The following RAD51AP1 variants were observed in gnomAD, a reference collection of about 807,000 sequenced individuals.
RAD51AP1 encodes RAD51 associated protein 1.
Under a neutral mutation model 34.3 loss-of-function variants are expected in RAD51AP1, and 14 were observed. The observed-to-expected ratio is 0.41, with a 90% CI of 0.27 to 0.64. RAD51AP1 has a LOEUF of 0.64. RAD51AP1 is among the 30% of genes least tolerant of loss of function. RAD51AP1 has a pLI of 0.33. For missense variants in RAD51AP1, 348 were observed against 386.9 expected, an observed-to-expected ratio of 0.90 and a Z score of 0.84; for synonymous variants, 114 against 129.8, an observed-to-expected ratio of 0.88 and a Z score of 0.83.
chr12:4,545,656 T>G lies in RAD51AP1; in HGVS notation c.210-653T>G, dbSNP rs1944500631. The G allele has an allele frequency of 4.0e-5, 35 of 871,190 alleles. No individual in the cohort carries two copies. In the South Asian group the frequency reaches 7.1e-4, roughly 18 times the overall value. The allele number at this position is 871,190 out of a possible 1,614,324, so 54.0% of individuals were successfully genotyped here. A position where few individuals can be genotyped will look rare whatever the true frequency, so the allele number is the denominator to read the frequency against. On this transcript the variant is annotated intron_variant, in intron 3 of 8. Coordinates refer to ENST00000352618, the MANE Select transcript of RAD51AP1 (RefSeq NM_006479.5). ...TTTATGTAACTTTTCCTTATCTGTC[T>G]TTGACGTTTTCTTCCTCTTATACTC...
chr12:4,544,876 G>C (rs1463332763), intron 3 of RAD51AP1, among the ~76,000 whole-genome samples: 7 of 152,104 alleles, frequency 4.6e-5, no homozygotes, highest in African/African-American at 1.4e-4. Context: ...ATCAAAATCA[G>C]AATGAGATAA....
rs1944557740 is a variant in RAD51AP1, at chr12:4,553,066, G to A, written c.640G>A (p.Glu214Lys). The A allele has an allele frequency of 6.2e-7, 1 of 1,605,886 alleles. No homozygotes were observed. The change falls in exon 7 of 9, where the codon GAA (glutamate) becomes AAA (lysine). Residue 214 changes from glutamate (E) to lysine (K), a missense_variant. By Grantham distance (56) the Glu-to-Lys change is moderately conservative. Transcript: ENST00000352618. The stretch of plus-strand genomic sequence containing the variant: ...CTCTATGAGAAAAAGTAAAGTTAAA[G>A]AAATTAAAAAGAAAGAAGTGAAGGT... Reference protein sequence around the residue: ...DFSMRKSKVKEIKKKEVKVKS... With the variant: ...DFSMRKSKVKKIKKKEVKVKS...
intron 6 of RAD51AP1, among the ~76,000 whole-genome samples, chr12:4,551,093 A>G (rs12314323): frequency 0.27 from 40,634 of 152,012 alleles, 6,498 homozygotes; most frequent in African/African-American, 0.44. Context: ...ATGAAGTACA[A>G]AGAATATACT....
Position 4,548,116 on chromosome 12 carries a change from A to C in RAD51AP1, c.344A>C (p.Lys115Thr). 1 of 1,601,336 alleles carries C rather than the reference A, an allele frequency of 6.2e-7. No homozygotes were observed. Among genetic ancestry groups the C allele is most frequent in the South Asian group, 1.2e-5 (1 of 86,718 alleles). The change falls in exon 5 of 9, where the codon AAA becomes ACA. Residue 115 changes from lysine to threonine, a missense_variant. Transcript: ENST00000352618. ...GGCATTGAAAAACATGGCAGTAGTA[A>C]AATAGAAACAATGAATAAGTCTCCT... is the stretch of plus-strand genomic sequence containing the variant. ...DKSIEKHGSS[K>T]IETMNKSPHI... is the part of the protein sequence containing the mutation.
At chr12:4,557,252 T>C (rs920512635) in intron 8 of RAD51AP1, among the ~76,000 whole-genome samples, 1 of 152,196 alleles carries the variant, frequency 6.6e-6, no homozygotes, top group African/African-American at 2.4e-5. Flanking sequence ...TTTCTTCATG[T>C]GTCCCCTCTC....
chr12:4,551,791 G>A (rs1944549113), intron 6 of RAD51AP1, among the ~76,000 whole-genome samples: 1 of 152,280 alleles, frequency 6.6e-6, no homozygotes, highest in South Asian at 2.1e-4. Context: ...ATGTAATGAT[G>A]TGATGCCTTG....
intron 1 of RAD51AP1, among the ~76,000 whole-genome samples, chr12:4,540,312 G>A (rs894391374): frequency 2.6e-5 from 4 of 152,156 alleles, no homozygotes; most frequent in Admixed American, 6.5e-5. Context: ...CCCTTTGTAA[G>A]GAACAGCAGT....
intron 5 of RAD51AP1, among the ~76,000 whole-genome samples, chr12:4,548,460 A>C (rs1307420707): frequency 6.6e-6 from 1 of 152,174 alleles, no homozygotes; most frequent in African/African-American, 2.4e-5. Flanking sequence ...TTTGGGGGAA[A>C]GATTATCTCT....
Position 4,541,937 on chromosome 12 carries a change from A to G in RAD51AP1, c.67+4A>G. 6.6e-7 allele frequency: 1 copy of G among 1,509,456 alleles called. No individual in the cohort carries two copies. Among genetic ancestry groups the G allele is most frequent in the Non-Finnish European group, 8.9e-7 (1 of 1,121,428 alleles). 93.5% of individuals were successfully genotyped at this position (1,509,456 alleles called of 1,614,324 possible). A position where few individuals can be genotyped will look rare whatever the true frequency, so the allele number is the denominator to read the frequency against. On this transcript the variant is annotated splice_donor_region_variant and intron_variant, in intron 2 of 8. Coordinates refer to ENST00000352618, the MANE Select transcript of RAD51AP1 (RefSeq NM_006479.5). ...TTTGACCACTCTGACAGTGATGGTA[A>G]GTAAAGCTTCTTATTTTTGTTCTAA... is the stretch of plus-strand genomic sequence containing the variant.
rs948563245 is a variant in RAD51AP1 at position 4,556,612 on chromosome 12, C to T, written c.871+110C>T. ...GCATTTCCCCATATTATTACATATTCTTCAAAACCAAAGTTCCTGGTTGCT... is the reference window on the plus strand; with the variant it reads ...GCATTTCCCCATATTATTACATATTTTTCAAAACCAAAGTTCCTGGTTGCT... On this transcript the variant is annotated intron_variant, in intron 8 of 8. Transcript: ENST00000352618. 2.1e-5 allele frequency: 27 copies of T among 1,282,762 alleles called. No individual in the cohort carries two copies. The African/African-American group carries it at 3.5e-4, about 16-fold the overall frequency. The allele number at this position is 1,282,762 out of a possible 1,614,324, so 79.5% of individuals were successfully genotyped here.
At chr12:4,540,468 ACTG>A (rs1944458019) in intron 1 of RAD51AP1, among the ~76,000 whole-genome samples, 1 of 151,928 alleles carries the variant, frequency 6.6e-6, no homozygotes, top group African/African-American at 2.4e-5. Flanking sequence ...CCCCGATAAA[ACTG>A]CTGGCACCTC....
At chr12:4,545,262 A>G (rs1024845368) in intron 3 of RAD51AP1, 1 of 445,320 alleles carries the variant, frequency 2.2e-6, no homozygotes, top group African/African-American at 2.0e-5. Context: ...ATACTGCAAT[A>G]TGGATGAACC....
chr12:4,546,714 A>T (rs971532525), intron 4 of RAD51AP1, among the ~76,000 whole-genome samples: 1 of 152,196 alleles, frequency 6.6e-6, no homozygotes, highest in Non-Finnish European at 1.5e-5. Context: ...TCATCAAATG[A>T]TTTGATCTGT....
chr12:4,553,307 G>A (rs981746114), intron 7 of RAD51AP1, 160 bp downstream of exon 7: 3 of 538,226 alleles, frequency 5.6e-6, no homozygotes, highest in Non-Finnish European at 9.3e-6. Flanking sequence ...GGAGAAAAGC[G>A]GACAAGAATG....
intron 1 of RAD51AP1, among the ~76,000 whole-genome samples, chr12:4,541,581 A>G (rs1175174217): frequency 2.6e-5 from 4 of 152,144 alleles, no homozygotes; most frequent in African/African-American, 7.2e-5. Flanking sequence ...CCTTTATCAT[A>G]TAATTGAAAA....
In RAD51AP1 at chr12:4,558,915, T is replaced by C; in HGVS notation, c.930T>C (p.Ser310=). 1 of 1,614,180 alleles carries C rather than the reference T, an allele frequency of 6.2e-7. No homozygotes were observed. Among genetic ancestry groups the C allele is most frequent in the East Asian group, 2.2e-5 (1 of 44,884 alleles). ...CACTGGTGGTAGTGTCTGTGAAGTC[T>C]CCCAATCAGAGTCTCCGCCTTGGCT... The part of the protein sequence containing the change: ...SSPLVVVSVK[S]PNQSLRLGLS... Residue 310 remains serine (S), a synonymous_variant, in exon 9 of 9, where the codon TCT becomes TCC. Transcript: ENST00000352618.
At position 4,559,105 on chromosome 12, in the gene RAD51AP1, C is replaced by A; in HGVS notation, c.*112C>A. ...TATTGTAATATAAAGGAATCCATTACCATGTCCTATAAATGACCTCTAGCC... is the reference window on the plus strand; with the variant it reads ...TATTGTAATATAAAGGAATCCATTAACATGTCCTATAAATGACCTCTAGCC... On this transcript the variant is annotated 3_prime_UTR_variant, in exon 9 of 9. Coordinates refer to ENST00000352618, the MANE Select transcript of RAD51AP1 (RefSeq NM_006479.5). 1 of 1,329,776 alleles carries A rather than the reference C, an allele frequency of 7.5e-7. No individual in the cohort carries two copies. Among genetic ancestry groups the A allele is most frequent in the Non-Finnish European group, 1.0e-6 (1 of 971,958 alleles). The allele number at this position is 1,329,776 out of a possible 1,614,324, so 82.4% of individuals were successfully genotyped here.
At chr12:4,547,129 A>G (rs1275798147) in intron 4 of RAD51AP1, among the ~76,000 whole-genome samples, 1 of 152,230 alleles carries the variant, frequency 6.6e-6, no homozygotes, top group African/African-American at 2.4e-5. Context: ...ATACAGTGGC[A>G]TGATCATGGC....
chr12:4,544,997 G>A (rs1306370960), intron 3 of RAD51AP1, among the ~76,000 whole-genome samples: 1 of 152,092 alleles, frequency 6.6e-6, no homozygotes. Context: ...ATTGGAAAAT[G>A]GTTTAGCAGT....
Sources: allele counts gnomAD v4.1 joint callset (sites outside exome capture counted in the v4.1 genomes callset), GRCh38; gene constraint gnomAD v4.1.1; transcripts MANE v1.5; gene names NCBI Gene and HGNC (gene_info 2026-07-23, HGNC 2026-07-21).